PRDM16: variants seen among roughly 807,000 people sequenced by gnomAD.
PRDM16 encodes PR/SET domain 16, also known as histone-lysine N-methyltransferase PRDM16.
A neutral mutation model predicts 110.6 loss-of-function variants in PRDM16; 23 were observed. That is an observed-to-expected ratio of 0.21 (90% confidence interval 0.15 to 0.29). The LOEUF is 0.29. Among genes scored for constraint, PRDM16 ranks in the 10% least tolerant of loss-of-function variants. PRDM16 has a pLI of 1.00. For missense variants in PRDM16, 1,615 were observed against 1,794.3 expected (o/e 0.90, Z 1.81); for synonymous variants, 799 against 781.8 (o/e 1.02, Z -0.37).
rs946561724 is a variant in PRDM16 at position 3,255,826 on chromosome 1, G to A, written c.438+11689G>A. Among the ~76,000 whole-genome samples the A allele has an allele frequency of 2.0e-5, 2 of 97,982 alleles. No homozygotes were observed. The highest frequency in any genetic ancestry group is 5.3e-5 in the Non-Finnish European group (2 of 37,608). 64.3% of individuals were successfully genotyped at this position (97,982 alleles called of 152,430 possible). ...TCAGAATGAACCCATTGTCACTTGT[G>A]CCCAAAGCCAATCCCGTGGCCGCAC... On this transcript the variant is annotated intron_variant, in intron 3 of 16. Coordinates refer to ENST00000270722, the MANE Select transcript of PRDM16 (RefSeq NM_022114.4). This position sits in a 1 kb window ranked among gnomAD's most constrained non-coding sequence, Gnocchi z 4.7.
intron 1 of PRDM16, among the ~76,000 whole-genome samples, chr1:3,096,759 C>G (rs548054152): frequency 6.6e-6 from 1 of 152,178 alleles, no homozygotes; most frequent in Non-Finnish European, 1.5e-5. Context: ...CTACGAGAGC[C>G]GAGCAGGGTG....
chr1:3,103,549 A>T (rs1642579812), intron 1 of PRDM16, among the ~76,000 whole-genome samples: 1 of 152,186 alleles, frequency 6.6e-6, no homozygotes, highest in Non-Finnish European at 1.5e-5. Context: ...ACTGTTAGTG[A>T]TAACCTCGCA....
At chr1:3,073,840 C>G (rs1359323366) in intron 1 of PRDM16, among the ~76,000 whole-genome samples, 3 of 152,098 alleles carry the variant, frequency 2.0e-5, no homozygotes, top group African/African-American at 4.8e-5. Context: ...AGCTTGGACC[C>G]CGGGGTCCCC....
chr1:3,247,708 GGTGCGCTCGCCCTGGTGCCCTATGC>G lies in PRDM16; in HGVS notation c.438+3576_438+3600del, dbSNP rs563372002. The stretch of plus-strand genomic sequence containing the variant: ...TTTGGCGCTGGCCCGCGCTCGCTCT[GGTGCGCTCGCCCTGGTGCCCTATGC>G]GTGCCCTCGCCGTCCCTGCGCCCGT... On this transcript the variant is annotated intron_variant, in intron 3 of 16. Coordinates refer to ENST00000270722, the MANE Select transcript of PRDM16 (RefSeq NM_022114.4). Among the ~76,000 whole-genome samples, 626 of 152,360 alleles carry G rather than the reference GGTGCGCTCGCCCTGGTGCCCTATGC, an allele frequency of 4.1e-3. 4 individuals carry two copies. The highest frequency in any genetic ancestry group is 7.4e-3 in the Non-Finnish European group (506 of 68,024).
intron 1 of PRDM16, among the ~76,000 whole-genome samples, chr1:3,090,530 TGGA>T (rs1158563141): frequency 3.9e-5 from 6 of 152,284 alleles, no homozygotes; most frequent in African/African-American, 1.4e-4. Flanking sequence ...TTCACCCAAA[TGGA>T]AGCAAAGACT....
intron 3 of PRDM16, among the ~76,000 whole-genome samples, chr1:3,299,716 A>G (rs1346142054): frequency 2.9e-5 from 3 of 102,874 alleles, no homozygotes; most frequent in East Asian, 3.8e-4. Flanking sequence ...TGAAGATGCT[A>G]TGCTGTGGCC....
chr1:3,305,189 A>G (rs1570031497), intron 3 of PRDM16, among the ~76,000 whole-genome samples: 1 of 152,194 alleles, frequency 6.6e-6, no homozygotes, highest in Admixed American at 6.5e-5. Flanking sequence ...TTTGTTCAAG[A>G]ACATTTCCAT....
chr1:3,191,384 C>T (rs1351168868), intron 2 of PRDM16, among the ~76,000 whole-genome samples: 1 of 152,202 alleles, frequency 6.6e-6, no homozygotes, highest in East Asian at 1.9e-4. Flanking sequence ...GCACTGCCAT[C>T]ATGGGACCCC....
At position 3,244,012 on chromosome 1, in the gene PRDM16, C is replaced by T. The variant is rs962730951; in HGVS notation, c.388-75C>T. ...ACTTTTGGGGACAGTGGTTCTGCCCCCACCATTTAGAACCCAGTGTAGCTT... is the reference window on the plus strand; with the variant it reads ...ACTTTTGGGGACAGTGGTTCTGCCCTCACCATTTAGAACCCAGTGTAGCTT... On this transcript the variant is annotated intron_variant, in intron 2 of 16. Coordinates refer to ENST00000270722, the MANE Select transcript of PRDM16 (RefSeq NM_022114.4). This position sits in a 1 kb window ranked among gnomAD's most constrained non-coding sequence, Gnocchi z 4.1. 1 of 1,482,392 alleles carries T rather than the reference C, an allele frequency of 6.7e-7. No individual in the cohort carries two copies. The highest frequency in any genetic ancestry group is 1.1e-5 in the South Asian group (1 of 88,310). The allele number at this position is 1,482,392 out of a possible 1,614,324, so 91.8% of individuals were successfully genotyped here.
chr1:3,369,179 G>T (rs1212856143), intron 3 of PRDM16, among the ~76,000 whole-genome samples: 1 of 152,168 alleles, frequency 6.6e-6, no homozygotes, highest in Non-Finnish European at 1.5e-5. Context: ...CTGGAACTCG[G>T]GGGGAGCGAG....
intron 12 of PRDM16, among the ~76,000 whole-genome samples, chr1:3,420,475 C>T (rs1638396513): frequency 6.6e-6 from 1 of 152,218 alleles, no homozygotes; most frequent in African/African-American, 2.4e-5. Flanking sequence ...TGACGCAGCC[C>T]CGCGCAAGCA....
chr1:3,392,205 T>C (rs1168704689), intron 4 of PRDM16, among the ~76,000 whole-genome samples: 1 of 152,236 alleles, frequency 6.6e-6, no homozygotes, highest in Non-Finnish European at 1.5e-5. Context: ...ACTGGCTGCT[T>C]TCACGTGTTT....
chr1:3,351,213 C>T (rs372429792), intron 3 of PRDM16, among the ~76,000 whole-genome samples: 140 of 152,304 alleles, frequency 9.2e-4, no homozygotes, highest in African/African-American at 3.1e-3. Context: ...CAGCTCTCAT[C>T]CCCACCAGGC....
chr1:3,274,424 C>T (rs571605270), intron 3 of PRDM16, among the ~76,000 whole-genome samples: 1 of 152,304 alleles, frequency 6.6e-6, no homozygotes, highest in Non-Finnish European at 1.5e-5. Context: ...TTGAATTAAA[C>T]CCTGAAGGTT....
At chr1:3,216,431 G>A (rs565702540) in intron 2 of PRDM16, among the ~76,000 whole-genome samples, 1 of 152,260 alleles carries the variant, frequency 6.6e-6, no homozygotes, top group East Asian at 1.9e-4. Flanking sequence ...CACCAGGGAA[G>A]GAGAATCCAA....
At chr1:3,086,752 G>A (rs2742676) in intron 1 of PRDM16, among the ~76,000 whole-genome samples, 50,104 of 152,026 alleles carry the variant, frequency 0.33, 9,290 homozygotes, top group African/African-American at 0.5. Context: ...TCTTGGCGTC[G>A]TCTGCCGGGG....
intron 2 of PRDM16, among the ~76,000 whole-genome samples, chr1:3,212,031 C>G (rs950577580): frequency 6.6e-6 from 1 of 152,186 alleles, no homozygotes; most frequent in Non-Finnish European, 1.5e-5. Context: ...ATCCTCGCGT[C>G]GTCTTTGGGC....
intron 3 of PRDM16, among the ~76,000 whole-genome samples, chr1:3,315,834 T>C (rs1233258236): frequency 6.6e-6 from 1 of 152,110 alleles, no homozygotes; most frequent in African/African-American, 2.4e-5. Context: ...CTGGTTTGTA[T>C]TGATTAGAGC....
rs1007303851 is a variant in PRDM16 at position 3,201,426 on chromosome 1, C to T, written c.387+14952C>T. 6.6e-6 allele frequency among the ~76,000 whole-genome samples: 1 copy of T among 152,192 alleles called. No individual in the cohort carries two copies. On this transcript the variant is annotated intron_variant, in intron 2 of 16. Coordinates refer to ENST00000270722, the MANE Select transcript of PRDM16 (RefSeq NM_022114.4). The surrounding 1 kb of genome is among the most constrained non-coding windows in gnomAD (Gnocchi z 4.1). ...AGTCCAGTAGCCCAAGCCACGGGAG[C>T]CAGCCTCACCCTGGCCCCACACCAG...
Sources: gnomAD v4.1 joint callset for allele counts (sites outside exome capture counted in the v4.1 genomes callset) on GRCh38, gnomAD v4.1.1 for gene constraint, Gnocchi (gnomAD v3.1) non-coding constraint, MANE v1.5 for transcripts, NCBI Gene and HGNC (gene_info 2026-07-23, HGNC 2026-07-21) for gene names.